Variants in IGF2BP2 observed in about 807,000 individuals in gnomAD.
IGF2BP2 encodes the protein insulin like growth factor 2 mRNA binding protein 2, also known as insulin-like growth factor 2 mRNA-binding protein 2.
IGF2BP2 carries 17 observed loss-of-function variants against 75.8 expected under a neutral mutation model. That is an observed-to-expected ratio of 0.22 (90% CI 0.15 to 0.34). The LOEUF (loss-of-function observed/expected upper bound fraction) is 0.34, where lower values mean the gene tolerates loss of function less well. Among genes scored for constraint, IGF2BP2 ranks in the 10% least tolerant of loss-of-function variants. IGF2BP2 has a pLI of 1.00. For synonymous variants in IGF2BP2, 288 were observed against 295.6 expected, an observed-to-expected ratio of 0.97 and a Z score of 0.26; for missense variants, 516 against 772.4, an observed-to-expected ratio of 0.67 and a Z score of 3.93.
At chr3:185,725,165 T>G (rs1324694864) in intron 2 of IGF2BP2, 2 of 152,214 alleles carry the variant, frequency 1.3e-5, no homozygotes, top group Non-Finnish European at 2.9e-5. Context: ...CATCCCACTG[T>G]ACCCTTTCCA....
Position 185,746,979 on chromosome 3 carries a change from T to C in IGF2BP2, c.240-48632A>G, listed in dbSNP as rs369084369. Among the ~76,000 whole-genome samples the C allele has an allele frequency of 1.1e-4, 16 of 152,198 alleles. 1 individual carries two copies. The South Asian group carries it at 2.3e-3, about 22-fold the overall frequency. On this transcript the variant is annotated intron_variant, in intron 2 of 15. Coordinates refer to ENST00000382199, the MANE Select transcript of IGF2BP2 (RefSeq NM_006548.6). ...GGCCTGCCTTCTTCTGGAAGTGTGA[T>C]TGGACAAGAGGCAAAATCAAAAACA...
intron 2 of IGF2BP2, among the ~76,000 whole-genome samples, chr3:185,711,307 A>T (rs1724760068): frequency 6.6e-6 from 1 of 152,212 alleles, no homozygotes; most frequent in South Asian, 2.1e-4. Context: ...TGCAAATCCT[A>T]TTCCTATCCC....
chr3:185,745,368 GAA>G (rs1476180982), intron 2 of IGF2BP2, among the ~76,000 whole-genome samples: 2 of 152,162 alleles, frequency 1.3e-5, no homozygotes, highest in African/African-American at 2.4e-5. Context: ...GGAGGCCAGG[GAA>G]AGAGAATAAA....
chr3:185,793,316 T>C (rs1299053951), intron 2 of IGF2BP2, among the ~76,000 whole-genome samples: 3 of 152,134 alleles, frequency 2.0e-5, no homozygotes, highest in Non-Finnish European at 4.4e-5. Context: ...CTCAGTCTCC[T>C]CTTCTGAGGA....
At chr3:185,678,486 A>G (rs945574818) in intron 7 of IGF2BP2, among the ~76,000 whole-genome samples, 4 of 152,248 alleles carry the variant, frequency 2.6e-5, no homozygotes, top group African/African-American at 9.6e-5. Context: ...TTCTGGTTTC[A>G]TTCCATTGTG....
chr3:185,792,999 C>G (rs1237129087), intron 2 of IGF2BP2, among the ~76,000 whole-genome samples: 1 of 152,130 alleles, frequency 6.6e-6, no homozygotes, highest in African/African-American at 2.4e-5. Flanking sequence ...AGGCACTCAA[C>G]ACTTTGCTCA....
intron 9 of IGF2BP2, 103 bp from the exon 10 acceptor site, chr3:185,672,772 A>G: frequency 1.5e-6 from 2 of 1,315,386 alleles, no homozygotes; most frequent in South Asian, 2.7e-5. Context: ...AGCGTCTCCT[A>G]ATCAGCTCTG....
intron 2 of IGF2BP2, among the ~76,000 whole-genome samples, chr3:185,720,414 G>A (rs950640340): frequency 3.9e-5 from 6 of 151,992 alleles, no homozygotes; most frequent in African/African-American, 1.2e-4. Flanking sequence ...GTGCGATCTC[G>A]ACTCACCACA....
chr3:185,715,135 G>A (rs886712767), intron 2 of IGF2BP2, among the ~76,000 whole-genome samples: 17 of 152,208 alleles, frequency 1.1e-4, no homozygotes, highest in Non-Finnish European at 7.3e-5. Flanking sequence ...TCTGAGGAAT[G>A]GAAGGCAGAA....
At chr3:185,707,442 G>A (rs1392078150) in intron 2 of IGF2BP2, among the ~76,000 whole-genome samples, 2 of 151,296 alleles carry the variant, frequency 1.3e-5, no homozygotes, top group East Asian at 4.0e-4. Context: ...CTGAGTAGCT[G>A]GGACTACAGG....
At chr3:185,784,234 CTAAAT>C (rs1253174925) in intron 2 of IGF2BP2, among the ~76,000 whole-genome samples, 1 of 151,302 alleles carries the variant, frequency 6.6e-6, no homozygotes, top group African/African-American at 2.5e-5. Context: ...GACTTTGTCT[CTAAAT>C]AAATAAACAA....
At chr3:185,721,998 G>C (rs1221864189) in intron 2 of IGF2BP2, 1 of 263,646 alleles carries the variant, frequency 3.8e-6, no homozygotes, top group African/African-American at 2.4e-5. Flanking sequence ...CTTTCAGGTG[G>C]CAAGTACTTG....
chr3:185,710,152 A>ATTTTT (rs567527407), intron 2 of IGF2BP2, among the ~76,000 whole-genome samples: 8 of 117,530 alleles, frequency 6.8e-5, no homozygotes, highest in South Asian at 2.6e-4. Flanking sequence ...GTAGTTTTAG[A>ATTTTT]TTTTTTTTTT....
intron 2 of IGF2BP2, among the ~76,000 whole-genome samples, chr3:185,812,959 A>G (rs528566368): frequency 6.6e-6 from 1 of 152,230 alleles, no homozygotes; most frequent in Non-Finnish European, 1.5e-5. Context: ...ATCAATTTCA[A>G]TATCTAAATC....
intron 2 of IGF2BP2, among the ~76,000 whole-genome samples, chr3:185,732,738 T>C (rs1728355735): frequency 6.6e-6 from 1 of 152,236 alleles, no homozygotes; most frequent in Admixed American, 6.5e-5. Flanking sequence ...CTGCTGTAGC[T>C]TGAACTGCTA....
At chr3:185,774,052 C>G (rs548551250) in intron 2 of IGF2BP2, among the ~76,000 whole-genome samples, 56 of 152,182 alleles carry the variant, frequency 3.7e-4, no homozygotes, top group Non-Finnish European at 6.3e-4. Flanking sequence ...CTGCTGTTCT[C>G]TACCTCTCCT....
intron 2 of IGF2BP2, among the ~76,000 whole-genome samples, chr3:185,761,263 GTA>G (rs1222839100): frequency 6.6e-6 from 1 of 152,188 alleles, no homozygotes; most frequent in Non-Finnish European, 1.5e-5. Flanking sequence ...AAAAAGAGGT[GTA>G]TGTGTGGGGC....
At chr3:185,738,114 G>C (rs1219080379) in intron 2 of IGF2BP2, among the ~76,000 whole-genome samples, 2 of 152,088 alleles carry the variant, frequency 1.3e-5, no homozygotes, top group African/African-American at 4.8e-5. Context: ...ATAAATAAAG[G>C]CATGAAAAAA....
intron 2 of IGF2BP2, among the ~76,000 whole-genome samples, chr3:185,701,210 A>T (rs1357389700): frequency 5.9e-5 from 9 of 152,064 alleles, no homozygotes; most frequent in Non-Finnish European, 1.2e-4. Context: ...GATTAAAGGC[A>T]TGAGCCACCA....
Sources: gnomAD v4.1 joint callset for allele counts (sites outside exome capture counted in the v4.1 genomes callset) on GRCh38, gnomAD v4.1.1 for gene constraint, MANE v1.5 for transcripts, NCBI Gene and HGNC (gene_info 2026-07-23, HGNC 2026-07-21) for gene names.